KCNMA1: variants seen among roughly 807,000 people sequenced by gnomAD.
The protein encoded by KCNMA1 is Calcium-activated potassium channel subunit alpha-1.
Under a neutral mutation model 140.0 loss-of-function variants are expected in KCNMA1, and 29 were observed. The ratio of observed to expected loss-of-function variants is 0.21; its 90% CI spans 0.15 to 0.28. The LOEUF is 0.28. Among genes scored for constraint, KCNMA1 ranks in the 10% least tolerant of loss-of-function variants. The probability of loss-of-function intolerance (pLI) is 1.00; values close to 1 mark genes in which losing one functional copy is unlikely to be tolerated. For synonymous variants in KCNMA1, 612 were observed against 611.9 expected, an observed-to-expected ratio of 1.00 and a Z score of 0.00; for missense variants, 880 against 1,602.2, an observed-to-expected ratio of 0.55 and a Z score of 7.70.
chr10:77,039,788 A>C, intron 14 of KCNMA1, 151 bp from the exon 15 acceptor site: 2 of 683,676 alleles, frequency 2.9e-6, no homozygotes, highest in Non-Finnish European at 5.3e-6. Flanking sequence ...CTGCACCCAT[A>C]TAAAGCCTTC....
At chr10:77,007,653 G>GTATATATATATA (rs60937323) in intron 18 of KCNMA1, among the ~76,000 whole-genome samples, 12,560 of 88,150 alleles carry the variant, frequency 0.14, 1,310 homozygotes, top group Non-Finnish European at 0.2. Context: ...TTGTGTGTGT[G>GTATATATATATA]TATATATATA....
At chr10:76,888,647 T>C (rs1219930662) in intron 27 of KCNMA1, among the ~76,000 whole-genome samples, 1 of 152,238 alleles carries the variant, frequency 6.6e-6, no homozygotes, top group Non-Finnish European at 1.5e-5. Flanking sequence ...ATCTAAACTG[T>C]TATTTCTCTG....
At chr10:77,557,091 C>A (rs2064790969) in intron 1 of KCNMA1, among the ~76,000 whole-genome samples, 1 of 152,202 alleles carries the variant, frequency 6.6e-6, no homozygotes, top group African/African-American at 2.4e-5. Context: ...CACAGAGCTG[C>A]ACAGGAGTCA....
At chr10:77,474,714 T>C (rs1340906286) in intron 1 of KCNMA1, among the ~76,000 whole-genome samples, 2 of 152,232 alleles carry the variant, frequency 1.3e-5, no homozygotes, top group African/African-American at 2.4e-5. Flanking sequence ...TCATTGTATA[T>C]GACTCCCTGA....
chr10:77,104,384 C>T (rs985029323), intron 9 of KCNMA1, among the ~76,000 whole-genome samples: 4 of 152,190 alleles, frequency 2.6e-5, no homozygotes, highest in Non-Finnish European at 4.4e-5. Context: ...ATTCCCCAAA[C>T]CAGAATGGCG....
intron 3 of KCNMA1, among the ~76,000 whole-genome samples, chr10:77,200,526 A>G (rs956778428): frequency 1.8e-4 from 28 of 152,256 alleles, no homozygotes; most frequent in African/African-American, 6.7e-4. Context: ...TTAGGTCCAC[A>G]GTATCACTGA....
intron 3 of KCNMA1, among the ~76,000 whole-genome samples, chr10:77,239,468 A>C (rs949983788): frequency 6.6e-6 from 1 of 152,236 alleles, no homozygotes; most frequent in African/African-American, 2.4e-5. Flanking sequence ...AACATGAGAT[A>C]GGTATCCTTG....
chr10:77,350,282 G>A (rs533929394), intron 2 of KCNMA1: 4 of 152,304 alleles, frequency 2.6e-5, no homozygotes, highest in African/African-American at 9.6e-5. Context: ...GTCTTTAGAG[G>A]GTAACTATTT....
At chr10:77,487,808 G>A (rs931407906) in intron 1 of KCNMA1, among the ~76,000 whole-genome samples, 2 of 152,142 alleles carry the variant, frequency 1.3e-5, no homozygotes, top group African/African-American at 2.4e-5. Flanking sequence ...CTCAGAGATG[G>A]CCCTGGACCT....
At chr10:77,543,729 G>A (rs377570414) in intron 1 of KCNMA1, among the ~76,000 whole-genome samples, 1 of 152,072 alleles carries the variant, frequency 6.6e-6, no homozygotes, top group Admixed American at 6.6e-5. Flanking sequence ...TCCTACGTAG[G>A]GGACATGCTT....
intron 1 of KCNMA1, among the ~76,000 whole-genome samples, chr10:77,599,287 T>G (rs1464791816): frequency 6.6e-6 from 1 of 152,234 alleles, no homozygotes. Flanking sequence ...AAAATGCATT[T>G]AATATGCATT....
At chr10:77,103,947 T>C (rs532589949) in intron 9 of KCNMA1, among the ~76,000 whole-genome samples, 1 of 152,156 alleles carries the variant, frequency 6.6e-6, no homozygotes, top group East Asian at 1.9e-4. Context: ...ATACAAACAA[T>C]AGGAGATCAC....
chr10:77,510,061 C>G (rs191424048), intron 1 of KCNMA1, among the ~76,000 whole-genome samples: 1 of 152,262 alleles, frequency 6.6e-6, no homozygotes, highest in East Asian at 1.9e-4. Flanking sequence ...TCCTACCCCC[C>G]ACTTCAAGCT....
At chr10:77,106,729 T>C (rs561742151) in intron 9 of KCNMA1, among the ~76,000 whole-genome samples, 160 of 152,104 alleles carry the variant, frequency 1.1e-3, no homozygotes, top group African/African-American at 3.5e-3. Context: ...GTCCACACCT[T>C]CAAGGCAAAA....
At chr10:77,247,344 C>G (rs1173222554) in intron 3 of KCNMA1, among the ~76,000 whole-genome samples, 1 of 152,152 alleles carries the variant, frequency 6.6e-6, no homozygotes, top group East Asian at 1.9e-4. Context: ...ATCCATGAAT[C>G]TCGCTCTCAT....
At position 77,347,508 on chromosome 10, in the gene KCNMA1, C is replaced by T. The variant is rs1214533047; in HGVS notation, c.540+56354G>A. On this transcript the variant is annotated intron_variant, in intron 2 of 27. Transcript: ENST00000286628. ...CTGTCTGAGGCTGGTTGACAAGAAG[C>T]TTTAGAGAGACGCTTGGGGATGGCA... Among the ~76,000 whole-genome samples the T allele has an allele frequency of 2.0e-5, 3 of 152,244 alleles. No individual in the cohort carries two copies. The East Asian group carries it at 5.8e-4, about 29-fold the overall frequency.
chr10:77,431,633 C>G (rs2097152948), intron 1 of KCNMA1, among the ~76,000 whole-genome samples: 1 of 134,984 alleles, frequency 7.4e-6, no homozygotes. Flanking sequence ...ACAAATGCAG[C>G]AGCAACTGCT....
intron 9 of KCNMA1, chr10:77,091,276 G>A (rs1371662640): frequency 6.6e-6 from 1 of 152,574 alleles, no homozygotes; most frequent in Non-Finnish European, 1.5e-5. Flanking sequence ...ATGCTGGGAA[G>A]GGATGAGGCT....
At chr10:77,409,592 G>A (rs1254312400) in intron 1 of KCNMA1, among the ~76,000 whole-genome samples, 1 of 152,184 alleles carries the variant, frequency 6.6e-6, no homozygotes, top group Non-Finnish European at 1.5e-5. Flanking sequence ...CTGGGTTCAG[G>A]TGTGAGGGTC....
Sources: gnomAD v4.1 joint callset for allele counts (sites outside exome capture counted in the v4.1 genomes callset) on GRCh38, gnomAD v4.1.1 for gene constraint, MANE v1.5 for transcripts, NCBI Gene and HGNC (gene_info 2026-07-23, HGNC 2026-07-21) for gene names.